The following DCAF17 variants were observed in gnomAD, a reference collection of about 807,000 sequenced individuals.
DCAF17 encodes the protein DDB1 and CUL4 associated factor 17.
A neutral mutation model predicts 66.0 loss-of-function variants in DCAF17; 48 were observed. The observed-to-expected ratio is 0.73, with a 90% CI of 0.58 to 0.92. DCAF17 has a LOEUF of 0.92. Ranked by LOEUF, DCAF17 falls within the 40% of genes least tolerant of loss-of-function variation. The probability of loss-of-function intolerance (pLI) is 0.00; values close to 1 mark genes in which losing one functional copy is unlikely to be tolerated. For synonymous variants in DCAF17, 206 were observed against 214.6 expected (o/e 0.96, Z 0.35); for missense variants, 562 against 622.8 (o/e 0.90, Z 1.04).
At chr2:171,445,849 A>G (rs1574333006) in intron 3 of DCAF17, among the ~76,000 whole-genome samples, 1 of 152,056 alleles carries the variant, frequency 6.6e-6, no homozygotes. Flanking sequence ...AACCCAGCTA[A>G]TTTTTGTATT....
intron 8 of DCAF17, among the ~76,000 whole-genome samples, chr2:171,465,464 G>A (rs1695845817): frequency 6.6e-6 from 1 of 151,980 alleles, no homozygotes; most frequent in Admixed American, 6.6e-5. Flanking sequence ...GGTTGAAACC[G>A]AATAAAAAGA....
In DCAF17 at chr2:171,443,563, T is replaced by A. The variant is rs1202133534; in HGVS notation, c.271T>A (p.Cys91Ser). ...EPRKLYEMPKCSKSEKIEDAL... is the reference protein window; with the variant it reads ...EPRKLYEMPKSSKSEKIEDAL... ...AAGAAAACTTTATGAAATGCCAAAA[T>A]GTTCCAAATCAGAAAAAATAGAGGA... Residue 91 changes from cysteine to serine, a missense_variant, in exon 3 of 14, where the codon TGT becomes AGT. Coordinates refer to ENST00000375255, the MANE Select transcript of DCAF17 (RefSeq NM_025000.4). The A allele has an allele frequency of 6.2e-7, 1 of 1,613,166 alleles. No individual in the cohort carries two copies. Among genetic ancestry groups the A allele is most frequent in the South Asian group, 1.1e-5 (1 of 91,056 alleles).
Position 171,481,319 on chromosome 2 carries a change from A to G in DCAF17, c.*205A>G. 1.5e-6 allele frequency: 1 copy of G among 671,000 alleles called. No homozygotes were observed. Among genetic ancestry groups the G allele is most frequent in the South Asian group, 1.5e-5 (1 of 66,770 alleles). 41.6% of individuals were successfully genotyped at this position (671,000 alleles called of 1,614,324 possible). ...ATTTTTTTTAAAGGTTTTTTAGAAT[A>G]CTGTTCCAAGAAGTTTAGTGTTTTG... On this transcript the variant is annotated 3_prime_UTR_variant, in exon 14 of 14. Coordinates refer to ENST00000375255, the MANE Select transcript of DCAF17 (RefSeq NM_025000.4).
intron 3 of DCAF17, among the ~76,000 whole-genome samples, chr2:171,443,962 A>AT (rs1212255424): frequency 5.3e-5 from 8 of 152,324 alleles, no homozygotes; most frequent in Non-Finnish European, 1.2e-4. Flanking sequence ...GTAACAAAGT[A>AT]TTTAGAGCAA....
intron 13 of DCAF17, among the ~76,000 whole-genome samples, 153 bp from the exon 14 acceptor site, chr2:171,480,821 C>T (rs571675645): frequency 6.6e-6 from 1 of 152,174 alleles, no homozygotes; most frequent in African/African-American, 2.4e-5. Context: ...ATCTGCATAT[C>T]CACAAATAAT....
At position 171,482,895 on chromosome 2, in the gene DCAF17, A is replaced by G. The variant is rs1311369996; in HGVS notation, c.*1781A>G. ...ACCACTGCCTAAATCTAACTAGACC[A>G]GGGTCCAAATGCCATCCAGGCCAGG... On this transcript the variant is annotated 3_prime_UTR_variant, in exon 14 of 14. Transcript: ENST00000375255. 3 of 454,006 alleles carry G rather than the reference A, an allele frequency of 6.6e-6. No homozygotes were observed. The highest frequency in any genetic ancestry group is 1.3e-5 in the Non-Finnish European group (3 of 226,792). The allele number at this position is 454,006 out of a possible 1,614,324, so 28.1% of individuals were successfully genotyped here. A position where few individuals can be genotyped will look rare whatever the true frequency, so the allele number is the denominator to read the frequency against.
intron 8 of DCAF17, among the ~76,000 whole-genome samples, chr2:171,465,730 C>A (rs1182637512): frequency 2.0e-5 from 3 of 152,096 alleles, no homozygotes; most frequent in Non-Finnish European, 1.5e-5. Context: ...GGCAATCTAC[C>A]CACTTTGGCC....
chr2:171,478,104 A>C (rs764357943), intron 12 of DCAF17, 34 bp downstream of exon 12: 1 of 1,537,624 alleles, frequency 6.5e-7, no homozygotes, highest in Non-Finnish European at 9.0e-7. Context: ...AAACCAAACC[A>C]GTGTGTCCTT....
rs1308545928 is a variant in DCAF17 at position 171,453,214 on chromosome 2, G to A, written c.627+1G>A. On this transcript the variant is annotated splice_donor_variant, in intron 6 of 13. Coordinates refer to ENST00000375255, the MANE Select transcript of DCAF17 (RefSeq NM_025000.4). LOFTEE classifies it high-confidence loss of function. ...AGGGATTCTAGAGATCAACAAAAAG[G>A]TAAGAACTCATTTCTTATTTAATTG... is the stretch of plus-strand genomic sequence containing the variant. The A allele has an allele frequency of 1.9e-6, 3 of 1,603,532 alleles. No homozygotes were observed. The highest frequency in any genetic ancestry group is 2.6e-6 in the Non-Finnish European group (3 of 1,172,034).
rs75833923 is a variant in DCAF17, at chr2:171,484,136, A to G, written c.*3022A>G. ...GTACTTTCCCTTTGTTTGTGGTGAT[A>G]ATCAGTATTAGTAGTTTTCATATTA... On this transcript the variant is annotated 3_prime_UTR_variant, in exon 14 of 14. Coordinates refer to ENST00000375255, the MANE Select transcript of DCAF17 (RefSeq NM_025000.4). The G allele has an allele frequency of 6.3e-4, 283 of 452,386 alleles. No individual in the cohort carries two copies. Among genetic ancestry groups the G allele is most frequent in the African/African-American group, 5.2e-3 (262 of 49,964 alleles). 28.0% of individuals were successfully genotyped at this position (452,386 alleles called of 1,614,324 possible).
chr2:171,456,062 G>A (rs985744582), intron 6 of DCAF17, among the ~76,000 whole-genome samples: 7 of 152,084 alleles, frequency 4.6e-5, no homozygotes, highest in Admixed American at 2.6e-4. Flanking sequence ...ATTGCTTTTG[G>A]TGTTTTCATC....
intron 3 of DCAF17, among the ~76,000 whole-genome samples, chr2:171,448,269 C>A (rs893669772): frequency 6.6e-6 from 1 of 152,112 alleles, no homozygotes; most frequent in Non-Finnish European, 1.5e-5. Context: ...GTAGTTGGGA[C>A]TCCAGGCACT....
chr2:171,454,425 C>T (rs1200532749), intron 6 of DCAF17, among the ~76,000 whole-genome samples: 3 of 151,440 alleles, frequency 2.0e-5, no homozygotes, highest in South Asian at 4.2e-4. Context: ...GCTGGGACTA[C>T]AGGCGCCTGC....
chr2:171,454,971 CT>C (rs997587973), intron 6 of DCAF17, among the ~76,000 whole-genome samples: 17 of 143,696 alleles, frequency 1.2e-4, no homozygotes, highest in African/African-American at 1.0e-4. Flanking sequence ...TATATATTTT[CT>C]TTTTTTTTTA....
intron 10 of DCAF17, among the ~76,000 whole-genome samples, chr2:171,475,636 A>AC (rs920445706): frequency 3.3e-5 from 5 of 152,276 alleles, no homozygotes; most frequent in African/African-American, 1.2e-4. Flanking sequence ...GATGGTGGGC[A>AC]CCTGTGGTCT....
chr2:171,474,172 A>G lies in DCAF17; in HGVS notation c.1091+197A>G. 5.1e-6 allele frequency: 3 copies of G among 592,156 alleles called. No homozygotes were observed. The East Asian group carries it at 8.7e-5, about 17-fold the overall frequency. 36.7% of individuals were successfully genotyped at this position (592,156 alleles called of 1,614,324 possible). On this transcript the variant is annotated intron_variant, in intron 10 of 13. Transcript: ENST00000375255. ...CAACATTACTGTTTGTAAATATTAA[A>G]TTTGAAAACGTTATTTGATGGATGA...
chr2:171,448,263 T>C (rs1451065049), intron 3 of DCAF17, among the ~76,000 whole-genome samples: 1 of 152,098 alleles, frequency 6.6e-6, no homozygotes, highest in African/African-American at 2.4e-5. Context: ...TCCTAAGTAG[T>C]TGGGACTCCA....
chr2:171,457,877 A>G (rs1305421912), intron 6 of DCAF17, 94 bp from the exon 7 acceptor site: 5 of 970,174 alleles, frequency 5.2e-6, no homozygotes, highest in South Asian at 3.9e-5. Context: ...TCATAGTGAC[A>G]TGAATATTAA....
intron 2 of DCAF17, among the ~76,000 whole-genome samples, chr2:171,435,409 T>C (rs535543581): frequency 3.9e-5 from 6 of 152,346 alleles, no homozygotes; most frequent in African/African-American, 1.4e-4. Flanking sequence ...AAAACTACAG[T>C]GCAGGCAAAA....
Sources: gnomAD v4.1 joint callset for allele counts (sites outside exome capture counted in the v4.1 genomes callset) on GRCh38, gnomAD v4.1.1 for gene constraint, MANE v1.5 for transcripts, NCBI Gene and HGNC (gene_info 2026-07-23, HGNC 2026-07-21) for gene names.